The following GPC6 variants were observed in gnomAD, a reference collection of about 807,000 sequenced individuals.
GPC6 encodes glypican-6.
GPC6 carries 14 observed loss-of-function variants against 55.2 expected under a neutral mutation model. That is an observed-to-expected ratio of 0.25 (90% CI 0.17 to 0.40). The LOEUF (loss-of-function observed/expected upper bound fraction) is 0.40. Ranked by LOEUF, GPC6 falls within the 10% of genes least tolerant of loss-of-function variation. GPC6 has a pLI of 1.00. For missense variants in GPC6, 641 were observed against 708.5 expected (o/e 0.90, Z 1.08); for synonymous variants, 278 against 259.6 (o/e 1.07, Z -0.68).
At chr13:94,007,593 T>A (rs992958614) in intron 3 of GPC6, among the ~76,000 whole-genome samples, 4 of 152,194 alleles carry the variant, frequency 2.6e-5, no homozygotes, top group Non-Finnish European at 5.9e-5. Flanking sequence ...ACATTATGTG[T>A]TGTTTGGTCT....
chr13:94,073,959 A>C (rs1338621266), intron 4 of GPC6, among the ~76,000 whole-genome samples: 1 of 152,154 alleles, frequency 6.6e-6, no homozygotes, highest in Non-Finnish European at 1.5e-5. Context: ...AAGTACGATA[A>C]TATCGTTTAA....
At chr13:94,288,705 T>C (rs1268050709) in intron 5 of GPC6, among the ~76,000 whole-genome samples, 1 of 132,300 alleles carries the variant, frequency 7.6e-6, no homozygotes, top group African/African-American at 2.9e-5. Flanking sequence ...TGTCACAGCA[T>C]CTATTATATA....
chr13:94,133,177 A>G (rs1373807262), intron 4 of GPC6, among the ~76,000 whole-genome samples: 1 of 141,924 alleles, frequency 7.0e-6, no homozygotes. Flanking sequence ...GATAGAAACA[A>G]GAATTAGACA....
At chr13:93,946,371 A>G (rs1406964860) in intron 3 of GPC6, among the ~76,000 whole-genome samples, 10 of 152,080 alleles carry the variant, frequency 6.6e-5, no homozygotes, top group African/African-American at 2.4e-4. Context: ...GGCTCAAGCA[A>G]TCCTCCTGCC....
intron 4 of GPC6, among the ~76,000 whole-genome samples, chr13:94,155,462 T>C (rs1887899766): frequency 6.6e-6 from 1 of 152,190 alleles, no homozygotes; most frequent in Non-Finnish European, 1.5e-5. Context: ...GTAACCACCT[T>C]TCTCTCTGCC....
At chr13:93,556,499 G>T (rs1159949539) in intron 2 of GPC6, among the ~76,000 whole-genome samples, 1 of 149,738 alleles carries the variant, frequency 6.7e-6, no homozygotes, top group Admixed American at 6.7e-5. Context: ...ATGGAGAATG[G>T]AGTATCCATC....
intron 1 of GPC6, among the ~76,000 whole-genome samples, chr13:93,279,211 G>T (rs1026721529): frequency 6.6e-6 from 1 of 152,192 alleles, no homozygotes; most frequent in African/African-American, 2.4e-5. Flanking sequence ...AGACCTCACT[G>T]CCAGAACTGC....
chr13:93,364,403 G>GT (rs1566318593), intron 1 of GPC6, among the ~76,000 whole-genome samples: 2 of 152,022 alleles, frequency 1.3e-5, no homozygotes, highest in African/African-American at 4.8e-5. Context: ...TGAGTCAACA[G>GT]TTTTTAAAAC....
intron 1 of GPC6, among the ~76,000 whole-genome samples, chr13:93,350,042 C>T (rs1880575660): frequency 6.6e-6 from 1 of 152,118 alleles, no homozygotes; most frequent in Admixed American, 6.6e-5. Flanking sequence ...TGAGACAGTA[C>T]TTATTCTATT....
intron 1 of GPC6, among the ~76,000 whole-genome samples, chr13:93,346,137 C>G (rs1222100739): frequency 6.6e-6 from 1 of 152,022 alleles, no homozygotes; most frequent in Non-Finnish European, 1.5e-5. Context: ...ACTTTGTAGT[C>G]AGAGAACTGC....
chr13:93,412,071 T>C (rs1182631574), intron 1 of GPC6, among the ~76,000 whole-genome samples: 2 of 152,018 alleles, frequency 1.3e-5, no homozygotes, highest in Non-Finnish European at 2.9e-5. Flanking sequence ...AACATGACCC[T>C]ACTGAAACGT....
At chr13:93,585,265 T>C (rs1440493168) in intron 2 of GPC6, among the ~76,000 whole-genome samples, 4 of 152,172 alleles carry the variant, frequency 2.6e-5, no homozygotes, top group Admixed American at 6.5e-5. Context: ...CAATCTCTTT[T>C]TCTCAGGAAA....
At chr13:93,297,819 A>G (rs1449798129) in intron 1 of GPC6, among the ~76,000 whole-genome samples, 1 of 152,056 alleles carries the variant, frequency 6.6e-6, no homozygotes, top group Non-Finnish European at 1.5e-5. Context: ...AGACGTTGTG[A>G]CTCACATGAG....
chr13:93,826,713 C>T (rs527697557), intron 2 of GPC6, among the ~76,000 whole-genome samples: 4 of 152,224 alleles, frequency 2.6e-5, no homozygotes, highest in African/African-American at 4.8e-5. Flanking sequence ...CCCCTTGTCC[C>T]GGTGTGCCAT....
chr13:94,031,417 A>G (rs747667249), intron 4 of GPC6, among the ~76,000 whole-genome samples: 3 of 152,156 alleles, frequency 2.0e-5, no homozygotes, highest in Non-Finnish European at 4.4e-5. Context: ...CCCCAGGATA[A>G]AGCACAACCC....
intron 1 of GPC6, among the ~76,000 whole-genome samples, chr13:93,283,458 A>T (rs1021663815): frequency 6.6e-6 from 1 of 152,208 alleles, no homozygotes; most frequent in Non-Finnish European, 1.5e-5. Context: ...GAGTTAACAG[A>T]TGAATATCAG....
chr13:93,490,460 C>CTTT (rs71123487), intron 1 of GPC6, among the ~76,000 whole-genome samples: 13 of 30,672 alleles, frequency 4.2e-4, no homozygotes, highest in East Asian at 5.0e-3. Flanking sequence ...ATTATTATTT[C>CTTT]TTTTTTTTTT....
intron 2 of GPC6, among the ~76,000 whole-genome samples, chr13:93,816,229 A>G (rs1394813542): frequency 6.6e-6 from 1 of 152,124 alleles, no homozygotes; most frequent in Admixed American, 6.5e-5. Flanking sequence ...TTCTCTGCCA[A>G]GAAATAGATG....
At chr13:93,935,821 T>C (rs1467740124) in intron 3 of GPC6, among the ~76,000 whole-genome samples, 3 of 152,302 alleles carry the variant, frequency 2.0e-5, no homozygotes, top group African/African-American at 4.8e-5. Context: ...TCAAAGGTAG[T>C]TCTTGGACCA....
Sources: allele counts gnomAD v4.1 joint callset (sites outside exome capture counted in the v4.1 genomes callset), GRCh38; gene constraint gnomAD v4.1.1; transcripts MANE v1.5; gene names NCBI Gene and HGNC (gene_info 2026-07-23, HGNC 2026-07-21).